Variants in RALYL observed in about 807,000 individuals in gnomAD.
The protein encoded by RALYL is RALY RNA binding protein like.
RALYL carries 29 observed loss-of-function variants against 35.1 expected under a neutral mutation model. That is an observed-to-expected ratio of 0.83 (90% confidence interval 0.61 to 1.13). The LOEUF is 1.13. Among genes scored for constraint, RALYL ranks in the 50% most tolerant of loss-of-function variants. The probability of loss-of-function intolerance (pLI) is 0.00; values close to 1 mark genes in which losing one functional copy is unlikely to be tolerated. For missense variants in RALYL, 359 were observed against 360.4 expected, an observed-to-expected ratio of 1.00 and a Z score of 0.03; for synonymous variants, 120 against 127.6, an observed-to-expected ratio of 0.94 and a Z score of 0.40.
At chr8:84,706,189 C>G in intron 2 of RALYL, 1 of 838,006 alleles carries the variant, frequency 1.2e-6, no homozygotes, top group Non-Finnish European at 1.8e-6. Flanking sequence ...GCTTTTCTCA[C>G]CCTAACCTTT....
At chr8:84,445,004 A>G (rs1001480194) in intron 1 of RALYL, among the ~76,000 whole-genome samples, 1 of 152,084 alleles carries the variant, frequency 6.6e-6, no homozygotes, top group Non-Finnish European at 1.5e-5. Context: ...AAGGGACTTA[A>G]AAGTGTTTAT....
chr8:84,332,954 C>G (rs1252806452), intron 1 of RALYL, among the ~76,000 whole-genome samples: 1 of 152,142 alleles, frequency 6.6e-6, no homozygotes, highest in Non-Finnish European at 1.5e-5. Flanking sequence ...TTTCAAGCCA[C>G]TTAAGCAGGA....
At chr8:84,493,212 C>T (rs2055555237) in intron 1 of RALYL, among the ~76,000 whole-genome samples, 1 of 152,092 alleles carries the variant, frequency 6.6e-6, no homozygotes, top group Admixed American at 6.6e-5. Flanking sequence ...ATGATGGCTT[C>T]CAGCTTAATC....
At chr8:84,656,788 T>TA (rs750014252) in intron 2 of RALYL, among the ~76,000 whole-genome samples, 7 of 152,092 alleles carry the variant, frequency 4.6e-5, no homozygotes, top group Non-Finnish European at 1.0e-4. Flanking sequence ...AAAAAATATA[T>TA]TTTAAAATGC....
chr8:84,546,187 G>A (rs541807743), intron 2 of RALYL, among the ~76,000 whole-genome samples: 13 of 152,036 alleles, frequency 8.6e-5, no homozygotes, highest in East Asian at 5.8e-4. Context: ...GTACAGTGGC[G>A]CAATCTCGGC....
At chr8:84,593,235 G>A (rs1179895247) in intron 2 of RALYL, among the ~76,000 whole-genome samples, 1 of 151,984 alleles carries the variant, frequency 6.6e-6, no homozygotes, top group Admixed American at 6.6e-5. Flanking sequence ...CCTATATTGT[G>A]AGTTCTATTC....
chr8:84,710,990 G>T (rs999713250), intron 2 of RALYL, among the ~76,000 whole-genome samples: 1 of 152,066 alleles, frequency 6.6e-6, no homozygotes, highest in Non-Finnish European at 1.5e-5. Context: ...GTGGAGTGAG[G>T]AATTTCTATT....
At chr8:84,372,889 T>TTTTTTTTTTTGTTTTG (rs1166847603) in intron 1 of RALYL, among the ~76,000 whole-genome samples, 3 of 109,618 alleles carry the variant, frequency 2.7e-5, no homozygotes, top group Non-Finnish European at 5.4e-5. Flanking sequence ...AGCATCTGTT[T>TTTTTTTTTTTGTTTTG]TTTTTTTTTT....
chr8:84,517,273 C>G (rs962331289), intron 1 of RALYL, among the ~76,000 whole-genome samples: 1 of 151,970 alleles, frequency 6.6e-6, no homozygotes, highest in Non-Finnish European at 1.5e-5. Flanking sequence ...TATATATGGG[C>G]CATAACAAAC....
At chr8:84,478,942 C>G (rs537665538) in intron 1 of RALYL, among the ~76,000 whole-genome samples, 1 of 108,420 alleles carries the variant, frequency 9.2e-6, no homozygotes, top group East Asian at 3.2e-4. Context: ...AAACATTAGC[C>G]GGGCATGGTG....
intron 4 of RALYL, among the ~76,000 whole-genome samples, chr8:84,807,338 GTTAAT>G (rs1275574085): frequency 6.6e-6 from 1 of 152,120 alleles, no homozygotes; most frequent in Non-Finnish European, 1.5e-5. Flanking sequence ...TGCAAACGCC[GTTAAT>G]TTGTTTCTTT....
intron 2 of RALYL, among the ~76,000 whole-genome samples, chr8:84,670,287 T>G (rs1346715273): frequency 2.0e-5 from 3 of 152,322 alleles, no homozygotes; most frequent in Non-Finnish European, 4.4e-5. Context: ...TTTTCCCACT[T>G]GAGGAGTTAC....
At chr8:84,589,743 T>C (rs1409319313) in intron 2 of RALYL, among the ~76,000 whole-genome samples, 1 of 152,200 alleles carries the variant, frequency 6.6e-6, no homozygotes, top group Non-Finnish European at 1.5e-5. Context: ...ACTCTCTGTG[T>C]CACATTTTAA....
chr8:84,626,094 T>C (rs1193306545), intron 2 of RALYL, among the ~76,000 whole-genome samples: 2 of 152,150 alleles, frequency 1.3e-5, no homozygotes, highest in African/African-American at 4.8e-5. Flanking sequence ...GGATGTGATA[T>C]TTGTATACAG....
chr8:84,320,599 G>A (rs1026759308), intron 1 of RALYL, among the ~76,000 whole-genome samples: 1 of 152,006 alleles, frequency 6.6e-6, no homozygotes, highest in African/African-American at 2.4e-5. Flanking sequence ...AATGTTAGTT[G>A]TTGGCTTTTG....
In RALYL at chr8:84,400,087, G is replaced by A. The variant is rs1296913426; in HGVS notation, c.-23-129212G>A. Reference sequence around the variant, plus strand: ...GTCAAGATCGTGCCACTGCACTTCAGCATGGGTGACAGAGTGAGACTCTGT... The same window carrying A: ...GTCAAGATCGTGCCACTGCACTTCAACATGGGTGACAGAGTGAGACTCTGT... On this transcript the variant is annotated intron_variant, in intron 1 of 8. Transcript: ENST00000521268. Among the ~76,000 whole-genome samples the A allele has an allele frequency of 2.6e-5, 4 of 152,106 alleles. 1 individual carries two copies. The highest frequency in any genetic ancestry group is 5.9e-5 in the Non-Finnish European group (4 of 68,010).
intron 2 of RALYL, among the ~76,000 whole-genome samples, chr8:84,632,651 G>A (rs1372622061): frequency 6.6e-6 from 1 of 151,086 alleles, no homozygotes; most frequent in African/African-American, 2.4e-5. Flanking sequence ...TTTACATTTA[G>A]TATATTCCAG....
intron 4 of RALYL, among the ~76,000 whole-genome samples, chr8:84,810,429 C>T (rs980302197): frequency 2.0e-5 from 3 of 152,090 alleles, no homozygotes; most frequent in East Asian, 3.9e-4. Flanking sequence ...TAGAAAGTCC[C>T]ATGCACTCTT....
intron 2 of RALYL, among the ~76,000 whole-genome samples, chr8:84,639,553 C>A (rs1279469233): frequency 6.6e-6 from 1 of 151,926 alleles, no homozygotes; most frequent in Non-Finnish European, 1.5e-5. Flanking sequence ...TTTCCTTTAG[C>A]CAAGATAAGG....
Sources: gnomAD v4.1 joint callset for allele counts (sites outside exome capture counted in the v4.1 genomes callset) on GRCh38, gnomAD v4.1.1 for gene constraint, MANE v1.5 for transcripts, NCBI Gene and HGNC (gene_info 2026-07-23, HGNC 2026-07-21) for gene names.